Variants in KCNIP1 observed in about 807,000 individuals in gnomAD.
KCNIP1 encodes potassium voltage-gated channel interacting protein 1.
In KCNIP1, 18 loss-of-function variants were observed where a neutral mutation model predicts 33.0. The observed-to-expected ratio is 0.55, with a 90% CI of 0.38 to 0.81. The LOEUF is 0.81. KCNIP1 is among the 30% of genes least tolerant of loss of function. KCNIP1 has a pLI of 0.00. For synonymous variants in KCNIP1, 93 were observed against 98.3 expected (o/e 0.95, Z 0.32); for missense variants, 238 against 271.6 (o/e 0.88, Z 0.87).
intron 1 of KCNIP1, among the ~76,000 whole-genome samples, chr5:170,590,005 G>A (rs1163263283): frequency 1.3e-5 from 2 of 152,118 alleles, no homozygotes; most frequent in African/African-American, 4.8e-5. Flanking sequence ...ATGGGAATGG[G>A]GATGGCTCAG....
At chr5:170,532,399 G>A (rs13189171) in intron 1 of KCNIP1, among the ~76,000 whole-genome samples, 36,604 of 152,120 alleles carry the variant, frequency 0.24, 5,720 homozygotes, top group African/African-American at 0.45. Flanking sequence ...TTCTTTCTGT[G>A]TTGACATCCA....
chr5:170,501,910 G>T (rs1757420785), upstream of KCNIP1, among the ~76,000 whole-genome samples: 2 of 152,192 alleles, frequency 1.3e-5, no homozygotes, highest in Admixed American at 6.5e-5. Flanking sequence ...ACCAGCCCCT[G>T]CTCCATCTTC....
intron 1 of KCNIP1, among the ~76,000 whole-genome samples, chr5:170,437,977 T>C (rs560445096): frequency 6.6e-6 from 1 of 152,300 alleles, no homozygotes; most frequent in Admixed American, 6.5e-5. Flanking sequence ...ATTCCTAGCC[T>C]TGGTCCCTCC....
chr5:170,489,611 A>G lies in KCNIP1; in HGVS notation c.88+135647A>G, dbSNP rs1554096040. 6.6e-6 allele frequency among the ~76,000 whole-genome samples: 1 copy of G among 152,258 alleles called. No homozygotes were observed. Among genetic ancestry groups the G allele is most frequent in the Non-Finnish European group, 1.5e-5 (1 of 68,056 alleles). On this transcript the variant is annotated intron_variant, in intron 1 of 7. Coordinates refer to the KCNIP1 transcript ENST00000377360. This position sits in a 1 kb window ranked among gnomAD's most constrained non-coding sequence, Gnocchi z 4.3. ...AAAATACAACTGTGATGTTATTTGC[A>G]GCAGGCATTCTGGACCCAGAACTGT...
intron 7 of KCNIP1, among the ~76,000 whole-genome samples, chr5:170,735,185 T>G (rs1027267021): frequency 8.5e-5 from 13 of 152,050 alleles, no homozygotes; most frequent in African/African-American, 3.1e-4. Flanking sequence ...CTTTGGGGGG[T>G]TTTCTTACTG....
At position 170,686,241 on chromosome 5, in the gene KCNIP1, G is replaced by A. The variant is rs915462487; in HGVS notation, c.62-32517G>A. On this transcript the variant is annotated intron_variant, in intron 1 of 7. Transcript: ENST00000328939. ...GGTACATAATATTTCTCTCTCCAGAGAGAAAGGAGGAGAGCACACATAAGA... is the reference window on the plus strand; with the variant it reads ...GGTACATAATATTTCTCTCTCCAGAAAGAAAGGAGGAGAGCACACATAAGA... Among the ~76,000 whole-genome samples, 3 of 152,158 alleles carry A rather than the reference G, an allele frequency of 2.0e-5. No individual in the cohort carries two copies. The South Asian group carries it at 6.2e-4, about 32-fold the overall frequency.
chr5:170,643,740 C>T (rs550231668), intron 1 of KCNIP1, among the ~76,000 whole-genome samples: 62 of 152,206 alleles, frequency 4.1e-4, no homozygotes, highest in Non-Finnish European at 5.6e-4. Flanking sequence ...CACAGTGGGA[C>T]GAGAAGTCAT....
chr5:170,411,134 C>A (rs1187407510), intron 1 of KCNIP1, among the ~76,000 whole-genome samples: 3 of 152,174 alleles, frequency 2.0e-5, no homozygotes, highest in Admixed American at 2.0e-4. Context: ...ATCATGTGGC[C>A]AAGATGATTG....
intron 1 of KCNIP1, among the ~76,000 whole-genome samples, chr5:170,641,796 G>A (rs915094288): frequency 5.3e-5 from 8 of 152,182 alleles, no homozygotes; most frequent in African/African-American, 1.9e-4. Context: ...GCTGCTCCTG[G>A]CAGCTTCGAA....
At chr5:170,558,779 C>T (rs1025304173) in intron 1 of KCNIP1, among the ~76,000 whole-genome samples, 7 of 152,186 alleles carry the variant, frequency 4.6e-5, no homozygotes, top group Non-Finnish European at 7.4e-5. Flanking sequence ...TCCTTAAGAG[C>T]ATCAGCCGTG....
chr5:170,407,271 G>A (rs768739955), intron 1 of KCNIP1, among the ~76,000 whole-genome samples: 10 of 152,240 alleles, frequency 6.6e-5, no homozygotes, highest in African/African-American at 2.4e-4. Flanking sequence ...ATCATGTTGC[G>A]TAACAAGAAA....
intron 1 of KCNIP1, among the ~76,000 whole-genome samples, chr5:170,427,480 G>T (rs919966384): frequency 6.6e-6 from 1 of 152,188 alleles, no homozygotes; most frequent in African/African-American, 2.4e-5. Flanking sequence ...GAAAGGGGAA[G>T]CGACTTCCCA....
chr5:170,508,944 G>C (rs539401169), intron 1 of KCNIP1, among the ~76,000 whole-genome samples: 131 of 152,240 alleles, frequency 8.6e-4, no homozygotes, highest in African/African-American at 2.3e-3. Flanking sequence ...AGGGTTCTTG[G>C]GGGTAGGAGC....
At chr5:170,673,110 TGTG>T (rs1761987239) in intron 1 of KCNIP1, among the ~76,000 whole-genome samples, 1 of 152,244 alleles carries the variant, frequency 6.6e-6, no homozygotes, top group Non-Finnish European at 1.5e-5. Context: ...ACCATGAAAA[TGTG>T]TTATTTAAAA....
chr5:170,601,293 T>C (rs1011577675), intron 1 of KCNIP1, among the ~76,000 whole-genome samples: 4 of 152,102 alleles, frequency 2.6e-5, no homozygotes, highest in African/African-American at 9.7e-5. Flanking sequence ...AAATGACATT[T>C]GGAAGTAATT....
At chr5:170,616,592 C>G (rs1245209273) in intron 1 of KCNIP1, among the ~76,000 whole-genome samples, 1 of 152,198 alleles carries the variant, frequency 6.6e-6, no homozygotes, top group African/African-American at 2.4e-5. Context: ...GAGCCCACCT[C>G]TCTCTGGCCC....
At chr5:170,695,817 G>C (rs113806946) in intron 1 of KCNIP1, among the ~76,000 whole-genome samples, 1 of 152,030 alleles carries the variant, frequency 6.6e-6, no homozygotes, top group African/African-American at 2.4e-5. Context: ...TCAGGAGATC[G>C]AGACCATCCT....
At chr5:170,360,149 C>G (rs1464975260) in intron 1 of KCNIP1, among the ~76,000 whole-genome samples, 5 of 152,292 alleles carry the variant, frequency 3.3e-5, no homozygotes, top group South Asian at 2.1e-4. Context: ...CCACAGGGAC[C>G]CTCATCTTCC....
chr5:170,353,579 C>G, exon 1 of KCNIP1: 1 of 501,060 alleles, frequency 2.0e-6, no homozygotes, highest in Non-Finnish European at 3.6e-6. Flanking sequence ...CTTGGAGTAC[C>G]TTGTGCCCCG....
Sources: allele counts gnomAD v4.1 joint callset (sites outside exome capture counted in the v4.1 genomes callset), GRCh38; gene constraint gnomAD v4.1.1; non-coding constraint Gnocchi (gnomAD v3.1); transcripts MANE v1.5; gene names NCBI Gene and HGNC (gene_info 2026-07-23, HGNC 2026-07-21).